The following ANK1 variants were observed in gnomAD, a reference collection of about 807,000 sequenced individuals.
The protein encoded by ANK1 is ankyrin 1.
ANK1 carries 51 observed loss-of-function variants against 210.4 expected under a neutral mutation model. That is an observed-to-expected ratio of 0.24 (90% CI 0.19 to 0.31). ANK1 has a LOEUF of 0.31. Among genes scored for constraint, ANK1 ranks in the 10% least tolerant of loss-of-function variants. The pLI, the probability that ANK1 is intolerant of heterozygous loss-of-function variation, is 1.00. For missense variants in ANK1, 2,051 were observed against 2,504.4 expected (o/e 0.82, Z 3.86); for synonymous variants, 967 against 1,025.9 (o/e 0.94, Z 1.10).
chr8:41,784,057 CAAAA>C (rs34846355), intron 1 of ANK1, among the ~76,000 whole-genome samples: 23 of 140,376 alleles, frequency 1.6e-4, no homozygotes, highest in Admixed American at 2.1e-4. Context: ...GACCCTATCT[CAAAA>C]AAAAAAAAAA....
At chr8:41,672,049 CG>C (rs1293474256) in intron 38 of ANK1, among the ~76,000 whole-genome samples, 7 of 151,076 alleles carry the variant, frequency 4.6e-5, no homozygotes, top group African/African-American at 1.7e-4. Flanking sequence ...TGAGCTCTCC[CG>C]GTGCCCTAAT....
intron 5 of ANK1, 61 bp from the exon 6 acceptor site, chr8:41,726,007 G>A: frequency 6.4e-7 from 1 of 1,570,694 alleles, no homozygotes; most frequent in Non-Finnish European, 8.6e-7. Flanking sequence ...CCTTCACACG[G>A]GACACACCCT....
intron 2 of ANK1, among the ~76,000 whole-genome samples, chr8:41,747,154 C>T (rs372636908): frequency 6.4e-4 from 98 of 152,252 alleles, no homozygotes; most frequent in Non-Finnish European, 1.2e-3. Context: ...TTTCGCAGAA[C>T]GTAAGGGAGT....
At chr8:41,656,926 C>G (rs561923726) in intron 42 of ANK1, among the ~76,000 whole-genome samples, 1 of 152,090 alleles carries the variant, frequency 6.6e-6, no homozygotes, top group Non-Finnish European at 1.5e-5. Flanking sequence ...GTGCTGCCAC[C>G]GTAGAGGGAA....
chr8:41,683,762 G>A (rs1373939734), intron 37 of ANK1, among the ~76,000 whole-genome samples: 1 of 152,206 alleles, frequency 6.6e-6, no homozygotes, highest in Non-Finnish European at 1.5e-5. Flanking sequence ...CCGGAGAGTG[G>A]GGCCTCGCTG....
rs7841341 is a variant in ANK1 at position 41,719,496 on chromosome 8, A to G, written c.1107+165T>C. Among the ~76,000 whole-genome samples the G allele has an allele frequency of 0.62, 93,953 of 151,928 alleles. 29,492 individuals are homozygous for G. The highest frequency in any genetic ancestry group is 0.69 in the African/African-American group (28,611 of 41,436). ...AGTGGAGGGTGCAGGAGGGGTGCAC[A>G]CCAGGCCCCCACCATCCAGTGCTGT... On this transcript the variant is annotated intron_variant, in intron 10 of 42. Transcript: ENST00000289734.
intron 2 of ANK1, among the ~76,000 whole-genome samples, chr8:41,753,060 CTT>C (rs761060485): frequency 0.013 from 1,397 of 106,566 alleles, 7 homozygotes; most frequent in African/African-American, 0.017. Flanking sequence ...GCCGCAGGCT[CTT>C]TTTTTTTTTT....
intron 13 of ANK1, 99 bp from the exon 14 acceptor site, chr8:41,715,948 G>C: frequency 7.1e-7 from 1 of 1,409,894 alleles, no homozygotes; most frequent in Non-Finnish European, 9.9e-7. Context: ...GAGAGGGCAA[G>C]TGACCTTCTC....
chr8:41,811,002 A>C (rs1802404138), intron 1 of ANK1, among the ~76,000 whole-genome samples: 1 of 152,226 alleles, frequency 6.6e-6, no homozygotes, highest in East Asian at 1.9e-4. Flanking sequence ...AATCTGAAAA[A>C]ATATCTCAAA....
intron 1 of ANK1, among the ~76,000 whole-genome samples, chr8:41,823,321 A>G (rs1348203132): frequency 6.6e-6 from 1 of 152,160 alleles, no homozygotes; most frequent in Non-Finnish European, 1.5e-5. Flanking sequence ...AAACCGCCCA[A>G]CTTGGAGAAG....
chr8:41,835,561 GA>G (rs2150800715), intron 1 of ANK1, among the ~76,000 whole-genome samples: 1 of 152,312 alleles, frequency 6.6e-6, no homozygotes, highest in South Asian at 2.1e-4. Context: ...GGCTTCCGCA[GA>G]AAACATCCAG....
At chr8:41,881,615 C>A (rs143537585) in intron 1 of ANK1, among the ~76,000 whole-genome samples, 2 of 152,298 alleles carry the variant, frequency 1.3e-5, no homozygotes, top group African/African-American at 2.4e-5. Flanking sequence ...TTCTGTTTAG[C>A]CTTCTGCCTC....
intron 1 of ANK1, among the ~76,000 whole-genome samples, chr8:41,777,083 T>C (rs1198744755): frequency 6.6e-6 from 1 of 152,218 alleles, no homozygotes; most frequent in Non-Finnish European, 1.5e-5. Context: ...TTTGTAACTA[T>C]TTAAATTTAA....
chr8:41,864,577 C>T (rs934187195), intron 1 of ANK1, among the ~76,000 whole-genome samples: 2 of 152,178 alleles, frequency 1.3e-5, no homozygotes, highest in African/African-American at 4.8e-5. Context: ...ACTCGGCTTC[C>T]TTGTAAACAA....
rs548211394 is a variant in ANK1, at chr8:41,842,219, G to A, written c.126+54136C>T. 4.6e-5 allele frequency among the ~76,000 whole-genome samples: 7 copies of A among 152,310 alleles called. No individual in the cohort carries two copies. In the South Asian group the frequency reaches 8.3e-4, roughly 18 times the overall value. On this transcript the variant is annotated intron_variant, in intron 1 of 42. Transcript: ENST00000265709. ...GTAAAGATCTGGAATGAGGCCAGGC[G>A]CAGTGGCTCACGCCTATAATCCCAG...
chr8:41,766,447 CCCAGTCTGACTA>C (rs1254556571), intron 1 of ANK1, among the ~76,000 whole-genome samples: 1 of 152,224 alleles, frequency 6.6e-6, no homozygotes, highest in African/African-American at 2.4e-5. Flanking sequence ...CTCCAGGCTC[CCCAGTCTGACTA>C]CCATTGGCAA....
At chr8:41,806,450 C>T (rs1850979947) in intron 1 of ANK1, among the ~76,000 whole-genome samples, 1 of 152,168 alleles carries the variant, frequency 6.6e-6, no homozygotes, top group Admixed American at 6.5e-5. Context: ...TGCAGTTGTT[C>T]ATGTCGGTAA....
chr8:41,682,672 T>C (rs1816437607), intron 37 of ANK1, among the ~76,000 whole-genome samples: 1 of 152,216 alleles, frequency 6.6e-6, no homozygotes. Flanking sequence ...TAGGGGTCTG[T>C]GGCCCGGGGA....
chr8:41,805,157 T>TTCTC (rs200054677), intron 1 of ANK1, among the ~76,000 whole-genome samples: 1 of 146,050 alleles, frequency 6.8e-6, no homozygotes, highest in East Asian at 2.0e-4. Flanking sequence ...ATAGAGCTCT[T>TTCTC]TCTCTCTCTC....
Sources: allele counts gnomAD v4.1 joint callset (sites outside exome capture counted in the v4.1 genomes callset), GRCh38; gene constraint gnomAD v4.1.1; transcripts MANE v1.5; gene names NCBI Gene and HGNC (gene_info 2026-07-23, HGNC 2026-07-21).